Variants in ADAMTSL1 observed in about 807,000 individuals in gnomAD.
The protein encoded by ADAMTSL1 is ADAMTS like 1, also known as ADAMTS-like protein 1.
Under a neutral mutation model 201.8 loss-of-function variants are expected in ADAMTSL1, and 126 were observed. That is an observed-to-expected ratio of 0.62 (90% CI 0.54 to 0.72). The LOEUF (loss-of-function observed/expected upper bound fraction) is 0.72, where lower values mean the gene tolerates loss of function less well. ADAMTSL1 is among the 30% of genes least tolerant of loss of function. The pLI is 0.00. For missense variants in ADAMTSL1, 2,679 were observed against 2,277.8 expected (o/e 1.18, Z -3.59); for synonymous variants, 1,121 against 903.4 (o/e 1.24, Z -4.32).
chr9:18,161,020 A>G (rs1423688224), intron 1 of ADAMTSL1, among the ~76,000 whole-genome samples: 6 of 151,858 alleles, frequency 4.0e-5, no homozygotes, highest in Admixed American at 3.3e-4. Flanking sequence ...TTAGTTCAGA[A>G]TTTTTGCCTT....
chr9:18,331,664 T>A (rs560413220), intron 2 of ADAMTSL1, among the ~76,000 whole-genome samples: 142 of 152,188 alleles, frequency 9.3e-4, no homozygotes, highest in Non-Finnish European at 1.6e-3. Context: ...ACAAAAACAA[T>A]TTGCCACAAG....
At chr9:18,093,235 A>AT (rs1489992484) in intron 1 of ADAMTSL1, among the ~76,000 whole-genome samples, 1 of 152,136 alleles carries the variant, frequency 6.6e-6, no homozygotes, top group African/African-American at 2.4e-5. Flanking sequence ...AATCTGCAGT[A>AT]TTTTTCAAAG....
At chr9:17,994,385 G>C (rs758008647) in intron 1 of ADAMTSL1, among the ~76,000 whole-genome samples, 1 of 152,092 alleles carries the variant, frequency 6.6e-6, no homozygotes, top group Non-Finnish European at 1.5e-5. Flanking sequence ...TGACAAGAGA[G>C]ACCATAGCAA....
At chr9:18,255,494 T>C (rs957769021) in intron 2 of ADAMTSL1, among the ~76,000 whole-genome samples, 1 of 152,224 alleles carries the variant, frequency 6.6e-6, no homozygotes, top group Admixed American at 6.5e-5. Context: ...GCTACTTATG[T>C]TAACTTCTAG....
chr9:18,906,873 G>C lies in ADAMTSL1; in HGVS notation c.5143G>C (p.Ala1715Pro). Reference protein sequence around the residue: ...EHLCSWGPRPANWQRCNITPC... With the variant: ...EHLCSWGPRPPNWQRCNITPC... ...CCTGTGCTCCTGGGGGCCCCGGCCT[G>C]CCAACTGGCAGCGCTGCAACATCAC... The change falls in exon 28 of 29, where the codon GCC (alanine) becomes CCC (proline). Residue 1715 changes from alanine to proline, a missense_variant. Physicochemically the swap from Ala to Pro is conservative, Grantham distance 27 (BLOSUM62 -1). Transcript: ENST00000380548. 6.2e-7 allele frequency: 1 copy of C among 1,613,980 alleles called. No individual in the cohort carries two copies. The highest frequency in any genetic ancestry group is 8.5e-7 in the Non-Finnish European group (1 of 1,179,864).
chr9:18,012,917 G>C (rs1239764332), intron 1 of ADAMTSL1, among the ~76,000 whole-genome samples: 2 of 151,954 alleles, frequency 1.3e-5, no homozygotes, highest in East Asian at 1.9e-4. Flanking sequence ...TCTCTTTTCA[G>C]TTAGGACTTG....
intron 6 of ADAMTSL1, among the ~76,000 whole-genome samples, chr9:18,638,095 C>T (rs1454989675): frequency 1.3e-5 from 2 of 152,002 alleles, no homozygotes; most frequent in Non-Finnish European, 2.9e-5. Flanking sequence ...CTGTATTTTT[C>T]GGTGGGATCC....
chr9:18,311,105 C>T (rs1363355287), intron 2 of ADAMTSL1, among the ~76,000 whole-genome samples: 1 of 151,686 alleles, frequency 6.6e-6, no homozygotes, highest in African/African-American at 2.4e-5. Context: ...AACACAGGAA[C>T]AGAAAACCAA....
chr9:18,256,026 T>C (rs1831669983), intron 2 of ADAMTSL1, among the ~76,000 whole-genome samples: 1 of 152,260 alleles, frequency 6.6e-6, no homozygotes, highest in Admixed American at 6.5e-5. Flanking sequence ...GCAATCTTCC[T>C]TGTTTCCTAT....
intron 2 of ADAMTSL1, among the ~76,000 whole-genome samples, chr9:18,463,787 T>C (rs1213443505): frequency 1.3e-5 from 2 of 152,232 alleles, no homozygotes; most frequent in African/African-American, 4.8e-5. Context: ...TATTTTTTGC[T>C]ATTGTATTAA....
chr9:18,310,781 T>G (rs981569788), intron 2 of ADAMTSL1, among the ~76,000 whole-genome samples: 1 of 152,126 alleles, frequency 6.6e-6, no homozygotes, highest in Admixed American at 6.5e-5. Flanking sequence ...TCAACCATTG[T>G]GGAAGGCACT....
At chr9:18,577,563 G>A (rs944486726) in intron 4 of ADAMTSL1, among the ~76,000 whole-genome samples, 2 of 152,226 alleles carry the variant, frequency 1.3e-5, no homozygotes, top group Middle Eastern at 3.4e-3. Context: ...GATACGCAAC[G>A]TCCCTAAGCT....
At chr9:18,890,050 G>GC (rs758457077) in intron 25 of ADAMTSL1, among the ~76,000 whole-genome samples, 1 of 152,046 alleles carries the variant, frequency 6.6e-6, no homozygotes, top group Non-Finnish European at 1.5e-5. Context: ...AGCCATAGAC[G>GC]CCCCCCATCC....
chr9:17,927,516 C>T (rs1011340243), intron 1 of ADAMTSL1, among the ~76,000 whole-genome samples: 3 of 151,482 alleles, frequency 2.0e-5, no homozygotes, highest in African/African-American at 7.3e-5. Flanking sequence ...ATATATGGCC[C>T]TCTGTATCTA....
Position 18,706,927 on chromosome 9 carries a change from G to A in ADAMTSL1, c.1755G>A (p.Gly585=). Residue 585 remains glycine (G), a synonymous_variant, in exon 14 of 29, where the codon GGG becomes GGA. Coordinates refer to ENST00000380548, the MANE Select transcript of ADAMTSL1 (RefSeq NM_001040272.6). The part of the protein sequence containing the change: ...QRACYAGPCS[G]EIPEFNPDET... Reference sequence around the variant, plus strand: ...CCTGTTATGCAGGCCCATGCAGCGGGGAAATTCCTGAGTTCAACCCAGACG... The same window carrying A: ...CCTGTTATGCAGGCCCATGCAGCGGAGAAATTCCTGAGTTCAACCCAGACG... 1.2e-6 allele frequency: 2 copies of A among 1,613,954 alleles called. No homozygotes were observed. The highest frequency in any genetic ancestry group is 1.7e-6 in the Non-Finnish European group (2 of 1,179,878).
At chr9:18,423,678 C>G (rs1758400695) in intron 2 of ADAMTSL1, among the ~76,000 whole-genome samples, 1 of 152,100 alleles carries the variant, frequency 6.6e-6, no homozygotes, top group African/African-American at 2.4e-5. Flanking sequence ...TAGGAGCACG[C>G]TTTTGGAGGT....
intron 1 of ADAMTSL1, among the ~76,000 whole-genome samples, chr9:18,055,832 T>C (rs1315783242): frequency 2.6e-5 from 4 of 152,246 alleles, no homozygotes; most frequent in Admixed American, 6.5e-5. Flanking sequence ...GTTATTCGTT[T>C]GCCATGCTGT....
intron 1 of ADAMTSL1, among the ~76,000 whole-genome samples, chr9:17,917,607 T>G (rs1047527916): frequency 2.6e-5 from 4 of 152,042 alleles, no homozygotes; most frequent in Non-Finnish European, 4.4e-5. Flanking sequence ...TTGTTTAGAA[T>G]TTTTACATCT....
intron 2 of ADAMTSL1, among the ~76,000 whole-genome samples, chr9:18,311,582 C>G (rs752681670): frequency 1.3e-5 from 2 of 152,110 alleles, no homozygotes; most frequent in Non-Finnish European, 2.9e-5. Flanking sequence ...TGCTGAACAT[C>G]ATGAACAGAT....
Sources: allele counts gnomAD v4.1 joint callset (sites outside exome capture counted in the v4.1 genomes callset), GRCh38; gene constraint gnomAD v4.1.1; transcripts MANE v1.5; gene names NCBI Gene and HGNC (gene_info 2026-07-23, HGNC 2026-07-21).